Variants in COL4A1 observed in about 807,000 individuals in gnomAD.
COL4A1 encodes collagen alpha-1(IV) chain.
Under a neutral mutation model 216.6 loss-of-function variants are expected in COL4A1, and 40 were observed. The observed-to-expected ratio is 0.18, with a 90% confidence interval of 0.14 to 0.24. The LOEUF is 0.24. COL4A1 is among the 10% of genes least tolerant of loss of function. COL4A1 has a pLI of 1.00. For synonymous variants in COL4A1, 839 were observed against 810.7 expected (o/e 1.03, Z -0.59); for missense variants, 1,628 against 2,196.8 (o/e 0.74, Z 5.18).
At chr13:110,181,523 C>T (rs751163667) in intron 28 of COL4A1, 134 bp from the exon 29 acceptor site, 6 of 948,876 alleles carry the variant, frequency 6.3e-6, no homozygotes, top group Non-Finnish European at 6.6e-6. Context: ...GGAGGCCTTC[C>T]GAGGTGGCTG....
intron 1 of COL4A1, among the ~76,000 whole-genome samples, chr13:110,290,064 T>C (rs989173515): frequency 6.6e-6 from 1 of 152,218 alleles, no homozygotes; most frequent in Non-Finnish European, 1.5e-5. Context: ...GGGGCGTCAC[T>C]CCTTCCAAAG....
chr13:110,172,855 A>G, intron 40 of COL4A1, 85 bp from the exon 41 acceptor site: 6 of 1,066,214 alleles, frequency 5.6e-6, no homozygotes, highest in Non-Finnish European at 8.8e-6. Flanking sequence ...TCAACTCTGC[A>G]ATAATACTAC....
chr13:110,258,454 C>T (rs1882674112), intron 1 of COL4A1, among the ~76,000 whole-genome samples: 1 of 152,098 alleles, frequency 6.6e-6, no homozygotes, highest in African/African-American at 2.4e-5. Flanking sequence ...GCAGGAGAAT[C>T]GCTTGAACCC....
At position 110,211,657 on chromosome 13, in the gene COL4A1, G is replaced by C. The variant is rs1566378093; in HGVS notation, c.458C>G (p.Pro153Arg). The C allele has an allele frequency of 6.2e-7, 1 of 1,611,892 alleles. No homozygotes were observed. Among genetic ancestry groups the C allele is most frequent in the African/African-American group, 1.3e-5 (1 of 74,788 alleles). Residue 153 changes from proline to arginine, a missense_variant, in exon 8 of 52, where the codon CCA becomes CGA. By Grantham distance (103) the Pro-to-Arg change is moderately radical. This residue lies in a region of COL4A1 where 150 missense variants were observed against 211.9 expected (regional missense o/e 0.71). Transcript: ENST00000375820. This position sits in a 1 kb window ranked among gnomAD's most constrained non-coding sequence, Gnocchi z 4.3. ...TAAAATAAAATGTACCTTCATCCCT[G>C]GTAAGCCTGGTGGTCCCTAAAAAAG... ...FAGNPGPPGL[P>R]GMKGDPGEIL...
At chr13:110,195,198 A>G (rs1183894328) in intron 21 of COL4A1, 80 bp from the exon 22 acceptor site, 17 of 1,142,708 alleles carry the variant, frequency 1.5e-5, no homozygotes, top group Non-Finnish European at 2.2e-5. Flanking sequence ...TTATAAAACC[A>G]AAATATTTTA....
chr13:110,162,728 A>G (rs1877142966), intron 47 of COL4A1, among the ~76,000 whole-genome samples: 2 of 152,234 alleles, frequency 1.3e-5, no homozygotes, highest in African/African-American at 2.4e-5. Flanking sequence ...TTCAATGAAT[A>G]TATGACACAT....
intron 10 of COL4A1, 130 bp downstream of exon 10, chr13:110,209,850 G>T: frequency 8.7e-7 from 1 of 1,153,062 alleles, no homozygotes; most frequent in Non-Finnish European, 1.3e-6. Flanking sequence ...GAGGGAAGCT[G>T]ATTCCGCCAT....
At chr13:110,283,375 G>A (rs942752039) in intron 1 of COL4A1, among the ~76,000 whole-genome samples, 6 of 152,232 alleles carry the variant, frequency 3.9e-5, no homozygotes, top group South Asian at 2.1e-4. Flanking sequence ...AATGTGAAAT[G>A]TGTTGATGTC....
At chr13:110,220,721 G>A (rs1017544531) in intron 2 of COL4A1, among the ~76,000 whole-genome samples, 2 of 152,144 alleles carry the variant, frequency 1.3e-5, no homozygotes, top group Non-Finnish European at 2.9e-5. Context: ...CTACTCCCAA[G>A]GCTGCCGATG....
intron 2 of COL4A1, among the ~76,000 whole-genome samples, chr13:110,236,292 T>C (rs772797734): frequency 1.3e-5 from 2 of 152,248 alleles, no homozygotes; most frequent in Admixed American, 6.5e-5. Flanking sequence ...ATCTGTCCTC[T>C]TCTCTTCTTG....
At chr13:110,173,756 C>G in intron 40 of COL4A1, 144 bp downstream of exon 40, 1 of 908,024 alleles carries the variant, frequency 1.1e-6, no homozygotes, top group Non-Finnish European at 1.8e-6. Flanking sequence ...CTCCACACAT[C>G]CACATCAGTG....
intron 26 of COL4A1, 88 bp downstream of exon 26, chr13:110,186,297 G>T: frequency 6.5e-7 from 1 of 1,535,234 alleles, no homozygotes; most frequent in Non-Finnish European, 9.0e-7. Context: ...TGGCCTATGC[G>T]AACCCCAGGC....
chr13:110,224,674 C>A (rs1234039097), intron 2 of COL4A1, among the ~76,000 whole-genome samples: 1 of 152,158 alleles, frequency 6.6e-6, no homozygotes, highest in Non-Finnish European at 1.5e-5. Flanking sequence ...AGCTCCAAAG[C>A]AAGGCCCCTG....
intron 2 of COL4A1, among the ~76,000 whole-genome samples, chr13:110,217,390 C>T (rs1880142249): frequency 6.6e-6 from 1 of 152,210 alleles, no homozygotes. Flanking sequence ...TGACCCCCCA[C>T]TTCCACTGGA....
intron 2 of COL4A1, among the ~76,000 whole-genome samples, chr13:110,236,134 C>G (rs1881306731): frequency 6.6e-6 from 1 of 152,170 alleles, no homozygotes; most frequent in African/African-American, 2.4e-5. Context: ...ACAAAAACGA[C>G]TAGAATGTTG....
intron 43 of COL4A1, among the ~76,000 whole-genome samples, chr13:110,168,761 G>A (rs1028095060): frequency 3.9e-5 from 6 of 152,150 alleles, no homozygotes; most frequent in Admixed American, 3.3e-4. Flanking sequence ...AACTGCAGAG[G>A]TCTGTCTCAA....
chr13:110,221,884 CTCAG>C (rs1477052102), intron 2 of COL4A1, among the ~76,000 whole-genome samples: 11 of 152,222 alleles, frequency 7.2e-5, no homozygotes, highest in Non-Finnish European at 1.5e-4. Context: ...TGTGAACCTG[CTCAG>C]TCAGATTCCA....
At chr13:110,238,309 G>C (rs7988985) in intron 2 of COL4A1, among the ~76,000 whole-genome samples, 16,595 of 152,258 alleles carry the variant, frequency 0.11, 1,094 homozygotes, top group South Asian at 0.17. Flanking sequence ...TGTGGCTTGG[G>C]AATGTCCCTT....
intron 1 of COL4A1, among the ~76,000 whole-genome samples, chr13:110,306,144 C>G (rs930850025): frequency 1.3e-5 from 2 of 152,058 alleles, no homozygotes; most frequent in East Asian, 3.9e-4. Context: ...CTCCTGCAAA[C>G]CTCCTGCAAA....
Sources: allele counts gnomAD v4.1 joint callset (sites outside exome capture counted in the v4.1 genomes callset), GRCh38; gene constraint gnomAD v4.1.1; regional missense constraint gnomAD v4.1.1; non-coding constraint Gnocchi (gnomAD v3.1); transcripts MANE v1.5; gene names NCBI Gene and HGNC (gene_info 2026-07-23, HGNC 2026-07-21).